The following RAB27B variants were observed in gnomAD, a reference collection of about 807,000 sequenced individuals.
RAB27B encodes RAB27B, member RAS oncogene family.
In RAB27B, 15 loss-of-function variants were observed where a neutral mutation model predicts 24.6. The observed-to-expected ratio is 0.61, with a 90% CI of 0.41 to 0.94. RAB27B has a LOEUF of 0.94. Ranked by LOEUF, RAB27B falls within the 40% of genes least tolerant of loss-of-function variation. The pLI, the probability that RAB27B is intolerant of heterozygous loss-of-function variation, is 0.00. For missense variants in RAB27B, 261 were observed against 266.8 expected (o/e 0.98, Z 0.15); for synonymous variants, 105 against 92.5 (o/e 1.14, Z -0.78).
intron 2 of RAB27B, among the ~76,000 whole-genome samples, chr18:54,802,405 G>C (rs11659390): frequency 0.037 from 5,559 of 152,158 alleles, 120 homozygotes; most frequent in Middle Eastern, 0.12. Flanking sequence ...GCCTGCTCTT[G>C]TATCTGGTAT....
chr18:54,787,989 A>G (rs80339895), intron 2 of RAB27B, among the ~76,000 whole-genome samples: 1,888 of 152,318 alleles, frequency 0.012, 34 homozygotes, highest in African/African-American at 0.042. Context: ...AGAACTTGCT[A>G]TTGTGGCATC....
intron 1 of RAB27B, among the ~76,000 whole-genome samples, chr18:54,836,285 C>T (rs1386853383): frequency 2.0e-5 from 3 of 151,950 alleles, no homozygotes; most frequent in Non-Finnish European, 4.4e-5. Flanking sequence ...AGCAGATCTT[C>T]TTATCAAGTG....
At chr18:54,813,372 T>A (rs1910026447) in intron 2 of RAB27B, among the ~76,000 whole-genome samples, 1 of 152,192 alleles carries the variant, frequency 6.6e-6, no homozygotes, top group Non-Finnish European at 1.5e-5. Flanking sequence ...CCCCTCCAAA[T>A]CTCATGTTGA....
chr18:54,762,096 G>T (rs1208131683), intron 2 of RAB27B, among the ~76,000 whole-genome samples: 2 of 152,212 alleles, frequency 1.3e-5, no homozygotes, highest in African/African-American at 4.8e-5. Flanking sequence ...AGGAACAACA[G>T]AAATTGGCAG....
At chr18:54,873,098 A>G (rs972666303) in intron 1 of RAB27B, among the ~76,000 whole-genome samples, 1 of 152,208 alleles carries the variant, frequency 6.6e-6, no homozygotes. Flanking sequence ...AAATATTCCT[A>G]CTTTGTTTCT....
chr18:54,746,437 A>G (rs1910250995), intron 2 of RAB27B, among the ~76,000 whole-genome samples: 1 of 152,212 alleles, frequency 6.6e-6, no homozygotes, highest in African/African-American at 2.4e-5. Context: ...CATGGGTCAT[A>G]CTTTATTCCA....
intron 2 of RAB27B, among the ~76,000 whole-genome samples, chr18:54,799,914 G>A (rs1301923463): frequency 1.3e-5 from 2 of 152,034 alleles, no homozygotes; most frequent in African/African-American, 2.4e-5. Flanking sequence ...CCAAAGTGCT[G>A]GGATTACAGG....
chr18:54,738,247 G>A (rs1421887867), intron 2 of RAB27B, among the ~76,000 whole-genome samples: 1 of 152,174 alleles, frequency 6.6e-6, no homozygotes, highest in South Asian at 2.1e-4. Flanking sequence ...AACTGGAAAA[G>A]AGGAGGAAAT....
chr18:54,852,848 G>T (rs1911640151), intron 1 of RAB27B, among the ~76,000 whole-genome samples: 1 of 152,154 alleles, frequency 6.6e-6, no homozygotes, highest in Non-Finnish European at 1.5e-5. Flanking sequence ...TGAATATCTT[G>T]TTTCTGCATA....
chr18:54,719,519 TA>T (rs1468181867), intron 2 of RAB27B, among the ~76,000 whole-genome samples: 1 of 152,064 alleles, frequency 6.6e-6, no homozygotes, highest in Non-Finnish European at 1.5e-5. Context: ...TGAAAATAAA[TA>T]TATCGAAAAC....
intron 1 of RAB27B, among the ~76,000 whole-genome samples, chr18:54,865,939 A>T (rs575124351): frequency 9.0e-4 from 137 of 152,330 alleles, no homozygotes; most frequent in Middle Eastern, 3.4e-3. Context: ...GTTATGCAGG[A>T]TATCAGATTT....
chr18:54,723,203 G>T (rs61365806), intron 2 of RAB27B, among the ~76,000 whole-genome samples: 25,999 of 152,126 alleles, frequency 0.17, 2,997 homozygotes, highest in African/African-American at 0.33. Flanking sequence ...TGGGAGAGAG[G>T]TGGGCCAGGA....
chr18:54,761,083 C>A (rs533338338), intron 2 of RAB27B, among the ~76,000 whole-genome samples: 3 of 151,262 alleles, frequency 2.0e-5, no homozygotes, highest in Admixed American at 2.0e-4. Context: ...TCATTTCCTT[C>A]ATTCTCCCTG....
At chr18:54,821,898 C>T (rs1910322561) in intron 2 of RAB27B, among the ~76,000 whole-genome samples, 2 of 152,162 alleles carry the variant, frequency 1.3e-5, no homozygotes, top group African/African-American at 2.4e-5. Flanking sequence ...GGATTACAGG[C>T]ATGGCCCCCA....
At chr18:54,825,907 A>G (rs1277516382), upstream of RAB27B, among the ~76,000 whole-genome samples, 1 of 152,174 alleles carries the variant, frequency 6.6e-6, no homozygotes, top group Non-Finnish European at 1.5e-5. Context: ...GAGCCTGCCC[A>G]GGTTTTGCAG....
chr18:54,815,345 G>T (rs563969437), intron 2 of RAB27B, among the ~76,000 whole-genome samples: 4 of 152,164 alleles, frequency 2.6e-5, no homozygotes, highest in African/African-American at 4.8e-5. Flanking sequence ...GGACCCCTTT[G>T]TGCAGACATA....
At chr18:54,782,543 G>A (rs1040272336) in intron 2 of RAB27B, among the ~76,000 whole-genome samples, 1 of 152,080 alleles carries the variant, frequency 6.6e-6, no homozygotes, top group African/African-American at 2.4e-5. Context: ...ACAACAGTAA[G>A]GTATAACCTT....
rs1276136266 is a variant in RAB27B, at chr18:54,890,511, AT to A, written c.*1101del. 13 of 152,244 alleles carry A rather than the reference AT, an allele frequency of 8.5e-5. No homozygotes were observed. Among genetic ancestry groups the A allele is most frequent in the African/African-American group, 2.9e-4 (12 of 41,574 alleles). 9.4% of individuals were successfully genotyped at this position (152,244 alleles called of 1,614,324 possible). ...ACAAAAGTACTGGAAACTAAATCAT[AT>A]TTCTTCCCTCCAAATTTCACCCATT... is the stretch of plus-strand genomic sequence containing the variant. On this transcript the variant is annotated 3_prime_UTR_variant, in exon 6 of 6. Transcript: ENST00000262094.
At chr18:54,851,447 G>T (rs142620195) in intron 1 of RAB27B, among the ~76,000 whole-genome samples, 1 of 152,172 alleles carries the variant, frequency 6.6e-6, no homozygotes, top group African/African-American at 2.4e-5. Context: ...ACATTTAGGC[G>T]CAAATATAAT....
Sources: gnomAD v4.1 joint callset for allele counts (sites outside exome capture counted in the v4.1 genomes callset) on GRCh38, gnomAD v4.1.1 for gene constraint, MANE v1.5 for transcripts, NCBI Gene and HGNC (gene_info 2026-07-23, HGNC 2026-07-21) for gene names.